Variants in GSE1 observed in about 807,000 individuals in gnomAD.
GSE1 encodes genetic suppressor element 1.
GSE1 carries 32 observed loss-of-function variants against 112.6 expected under a neutral mutation model. The observed-to-expected ratio is 0.28, with a 90% confidence interval of 0.21 to 0.38. The LOEUF (loss-of-function observed/expected upper bound fraction) is 0.38. Ranked by LOEUF, GSE1 falls within the 10% of genes least tolerant of loss-of-function variation. The pLI, the probability that GSE1 is intolerant of heterozygous loss-of-function variation, is 1.00. For missense variants in GSE1, 2,348 were observed against 1,699.2 expected (o/e 1.38, Z -6.71); for synonymous variants, 1,115 against 735.6 (o/e 1.52, Z -8.35).
intron 2 of GSE1, among the ~76,000 whole-genome samples, chr16:85,389,853 C>T (rs148114351): frequency 2.5e-4 from 38 of 151,828 alleles, no homozygotes; most frequent in Non-Finnish European, 5.0e-4. Context: ...CAGAGAGGGG[C>T]GTCACTTGCA....
At position 85,661,784 on chromosome 16, in the gene GSE1, C is replaced by A; in HGVS notation, c.2260+19C>A. 6.7e-7 allele frequency: 1 copy of A among 1,486,124 alleles called. No homozygotes were observed. The highest frequency in any genetic ancestry group is 1.3e-5 in the South Asian group (1 of 74,938). 92.1% of individuals were successfully genotyped at this position (1,486,124 alleles called of 1,614,324 possible). A position where few individuals can be genotyped will look rare whatever the true frequency, so the allele number is the denominator to read the frequency against. The stretch of plus-strand genomic sequence containing the variant: ...GAGAAAGGTCTGCCTCCCCGCGGGC[C>A]CCGAGCTGCTCAGGGAGAGCCGCAC... On this transcript the variant is annotated intron_variant, in intron 9 of 15. Coordinates refer to ENST00000253458, the MANE Select transcript of GSE1 (RefSeq NM_014615.5).
intron 1 of GSE1, among the ~76,000 whole-genome samples, chr16:85,633,683 T>C (rs566746882): frequency 1.7e-4 from 26 of 152,296 alleles, no homozygotes; most frequent in African/African-American, 5.8e-4. Context: ...GTTCAGCATC[T>C]GGGGTCCTGG....
chr16:85,572,025 TAGC>T (rs1205755415), intron 1 of GSE1, among the ~76,000 whole-genome samples: 3 of 151,312 alleles, frequency 2.0e-5, no homozygotes, highest in African/African-American at 7.3e-5. Flanking sequence ...GTAGAACACA[TAGC>T]ACACACACAC....
chr16:85,646,007 C>A (rs1410656495), intron 2 of GSE1, among the ~76,000 whole-genome samples: 2 of 151,176 alleles, frequency 1.3e-5, no homozygotes, highest in African/African-American at 4.9e-5. Flanking sequence ...ATGCATTCTA[C>A]CTGCTTCTCC....
intron 1 of GSE1, among the ~76,000 whole-genome samples, chr16:85,619,948 C>T (rs2048625731): frequency 6.6e-6 from 1 of 152,156 alleles, no homozygotes; most frequent in South Asian, 2.1e-4. Flanking sequence ...CTCCCACCCG[C>T]TCTCCCTTAG....
exon 1 of GSE1, chr16:85,170,572 G>A (rs2074343456): frequency 2.0e-6 from 2 of 985,526 alleles, no homozygotes; most frequent in South Asian, 9.4e-5. Flanking sequence ...GAAGAACAGT[G>A]GCCGTGTCCC....
At chr16:85,511,010 A>G (rs2051726160) in intron 2 of GSE1, among the ~76,000 whole-genome samples, 1 of 152,182 alleles carries the variant, frequency 6.6e-6, no homozygotes, top group South Asian at 2.1e-4. Context: ...TTGCTCTTTA[A>G]TAGCACGTAC....
intron 2 of GSE1, among the ~76,000 whole-genome samples, chr16:85,534,624 C>T (rs535727823): frequency 2.6e-4 from 39 of 152,282 alleles, no homozygotes; most frequent in African/African-American, 9.4e-4. Flanking sequence ...CGTCGTTTGT[C>T]TGCAGACTCC....
intron 2 of GSE1, among the ~76,000 whole-genome samples, chr16:85,390,408 G>C (rs2047810713): frequency 6.6e-6 from 1 of 152,092 alleles, no homozygotes; most frequent in African/African-American, 2.4e-5. Context: ...GTGCCCCCCA[G>C]GGCTGTGCCT....
chr16:85,352,608 C>G (rs983360352), intron 1 of GSE1, among the ~76,000 whole-genome samples: 2 of 152,188 alleles, frequency 1.3e-5, no homozygotes, highest in African/African-American at 4.8e-5. Context: ...CCTGCTTTTT[C>G]AGGGACTGTC....
chr16:85,432,060 A>G (rs1412371213), intron 2 of GSE1, among the ~76,000 whole-genome samples: 3 of 151,886 alleles, frequency 2.0e-5, no homozygotes, highest in African/African-American at 7.3e-5. Context: ...ACGCCCCCGA[A>G]CTCACCCCTC....
chr16:85,399,692 G>A (rs895964910), intron 2 of GSE1, among the ~76,000 whole-genome samples: 8 of 152,214 alleles, frequency 5.3e-5, no homozygotes, highest in Non-Finnish European at 8.8e-5. Flanking sequence ...TGCCGTAGGC[G>A]TGGGGGATGC....
intron 2 of GSE1, among the ~76,000 whole-genome samples, chr16:85,474,321 A>C (rs2050385518): frequency 6.6e-6 from 1 of 151,902 alleles, no homozygotes; most frequent in South Asian, 2.1e-4. Context: ...CTTTCTCCCA[A>C]ACAGCCTGCC....
chr16:85,422,374 G>A (rs984990817), intron 2 of GSE1, among the ~76,000 whole-genome samples: 1 of 152,160 alleles, frequency 6.6e-6, no homozygotes, highest in Non-Finnish European at 1.5e-5. Flanking sequence ...CGGGGCGGGG[G>A]GGGGTGCCCC....
intron 2 of GSE1, among the ~76,000 whole-genome samples, chr16:85,458,191 C>A (rs969967531): frequency 1.1e-4 from 17 of 152,134 alleles, no homozygotes; most frequent in African/African-American, 3.9e-4. Flanking sequence ...ATTTCTGGAC[C>A]CCCTGCAGCT....
chr16:85,647,837 G>T (rs1266865807), intron 2 of GSE1, among the ~76,000 whole-genome samples: 1 of 152,058 alleles, frequency 6.6e-6, no homozygotes, highest in African/African-American at 2.4e-5. Context: ...TGTCTGCCTC[G>T]GCCTCCCAAA....
At chr16:85,332,281 C>T (rs1481459977) in intron 1 of GSE1, among the ~76,000 whole-genome samples, 2 of 152,208 alleles carry the variant, frequency 1.3e-5, no homozygotes, top group East Asian at 3.9e-4. Context: ...GTCTGTATGC[C>T]TTGGTCTCCC....
rs1215623543 is a variant in GSE1, at chr16:85,208,814, CA to C, written c.2283+37008del. 7.5e-5 allele frequency among the ~76,000 whole-genome samples: 8 copies of C among 107,006 alleles called. No individual in the cohort carries two copies. The East Asian group carries it at 2.0e-3, about 27-fold the overall frequency. The allele number at this position is 107,006 out of a possible 152,430, so 70.2% of individuals were successfully genotyped here. A position where few individuals can be genotyped will look rare whatever the true frequency, so the allele number is the denominator to read the frequency against. Reference sequence around the variant, plus strand: ...GGGGTTCGCCTGTGTTGGGGTTTGCCACGTGTTGGGGTTCGTCTGTGTTGGC... The same window carrying C: ...GGGGTTCGCCTGTGTTGGGGTTTGCCCGTGTTGGGGTTCGTCTGTGTTGGC... On this transcript the variant is annotated intron_variant, in intron 1 of 2. Coordinates refer to the GSE1 transcript ENST00000637419.
At chr16:85,297,851 G>A (rs2045411970) in intron 1 of GSE1, among the ~76,000 whole-genome samples, 1 of 152,068 alleles carries the variant, frequency 6.6e-6, no homozygotes, top group African/African-American at 2.4e-5. Context: ...TCCCTCTGTT[G>A]CTGGGATATG....
Sources: allele counts gnomAD v4.1 joint callset (sites outside exome capture counted in the v4.1 genomes callset), GRCh38; gene constraint gnomAD v4.1.1; transcripts MANE v1.5; gene names NCBI Gene and HGNC (gene_info 2026-07-23, HGNC 2026-07-21).